Variants in MMP13 observed in about 807,000 individuals in gnomAD.
MMP13 encodes the protein matrix metallopeptidase 13.
MMP13 carries 45 observed loss-of-function variants against 52.1 expected under a neutral mutation model. The ratio of observed to expected loss-of-function variants is 0.86; its 90% CI spans 0.68 to 1.11. The LOEUF is 1.11. Among genes scored for constraint, MMP13 ranks in the 50% least tolerant of loss-of-function variants. The pLI, the probability that MMP13 is intolerant of heterozygous loss-of-function variation, is 0.00. For synonymous variants in MMP13, 200 were observed against 204.4 expected (o/e 0.98, Z 0.18); for missense variants, 576 against 583.8 (o/e 0.99, Z 0.14).
At chr11:102,950,260 A>T in intron 5 of MMP13, 33 bp from the exon 6 acceptor site, 1 of 1,495,258 alleles carries the variant, frequency 6.7e-7, no homozygotes, top group Non-Finnish European at 9.3e-7. Context: ...AGAAGTTATG[A>T]GTGTGACATT....
chr11:102,950,783 A>G (rs1860599186), intron 5 of MMP13, among the ~76,000 whole-genome samples: 2 of 152,210 alleles, frequency 1.3e-5, no homozygotes, highest in South Asian at 2.1e-4. Flanking sequence ...GAGTGCAGAC[A>G]GGATGGGGGT....
intron 9 of MMP13, 46 bp from the exon 10 acceptor site, chr11:102,944,412 A>T: frequency 7.4e-7 from 1 of 1,354,012 alleles, no homozygotes; most frequent in African/African-American, 1.4e-5. Context: ...GAAAATAATA[A>T]GGTTTTAATC....
At position 102,949,246 on chromosome 11, in the gene MMP13, G is replaced by T; in HGVS notation, c.918-88C>A. 1 of 1,514,954 alleles carries T rather than the reference G, an allele frequency of 6.6e-7. No individual in the cohort carries two copies. The highest frequency in any genetic ancestry group is 1.2e-5 in the South Asian group (1 of 85,668). The allele number at this position is 1,514,954 out of a possible 1,614,324, so 93.8% of individuals were successfully genotyped here. ...AGTCACCTCTCTCCACATCAACACA[G>T]ACAAGTTAGATACAACCAATACCTC... On this transcript the variant is annotated intron_variant, in intron 6 of 9. Coordinates refer to ENST00000260302, the MANE Select transcript of MMP13 (RefSeq NM_002427.4). The surrounding 1 kb of genome is among the most constrained non-coding windows in gnomAD (Gnocchi z 4.2).
chr11:102,947,667 T>TTGTGTGTGTGTGTGTGTG (rs71066125), intron 8 of MMP13, among the ~76,000 whole-genome samples: 1 of 144,810 alleles, frequency 6.9e-6, no homozygotes, highest in African/African-American at 2.6e-5. Context: ...TGTTTGAGTA[T>TTGTGTGTGTGTGTGTGTG]TGTGTGTGTG....
chr11:102,949,942 A>T lies in MMP13; in HGVS notation c.917+168T>A, dbSNP rs1205140244. The stretch of plus-strand genomic sequence containing the variant: ...AAGGTTATACGTTGAAAAGTAAAAC[A>T]TTTATCCATCAGTCATTTATTTGAT... On this transcript the variant is annotated intron_variant, in intron 6 of 9. Transcript: ENST00000260302. The surrounding 1 kb of genome is among the most constrained non-coding windows in gnomAD (Gnocchi z 4.2). Among the ~76,000 whole-genome samples the T allele has an allele frequency of 6.6e-6, 1 of 152,210 alleles. No individual in the cohort carries two copies.
chr11:102,948,109 A>G (rs1860545547), intron 7 of MMP13, 59 bp from the exon 8 acceptor site: 1 of 1,456,120 alleles, frequency 6.9e-7, no homozygotes, highest in African/African-American at 1.4e-5. Context: ...ACTTACATAT[A>G]TAGACATGTG....
At chr11:102,948,996 G>A (rs782703007) in intron 7 of MMP13, 29 bp downstream of exon 7, 3 of 1,613,082 alleles carry the variant, frequency 1.9e-6, no homozygotes, top group African/African-American at 1.3e-5. Flanking sequence ...CCCTGGTCTT[G>A]TGTGAGGACT....
intron 9 of MMP13, 80 bp downstream of exon 9, chr11:102,945,566 A>G: frequency 1.1e-6 from 1 of 903,662 alleles, no homozygotes; most frequent in Non-Finnish European, 1.8e-6. Context: ...TAGGTCCTAT[A>G]TAAAAATGCT....
Position 102,952,001 on chromosome 11 carries a change from A to G in MMP13, c.799+11T>C. 1 of 1,612,156 alleles carries G rather than the reference A, an allele frequency of 6.2e-7. No homozygotes were observed. Among genetic ancestry groups the G allele is most frequent in the East Asian group, 2.2e-5 (1 of 44,850 alleles). On this transcript the variant is annotated intron_variant, in intron 5 of 9. Coordinates refer to ENST00000260302, the MANE Select transcript of MMP13 (RefSeq NM_002427.4). The surrounding 1 kb of genome is among the most constrained non-coding windows in gnomAD (Gnocchi z 4.3). ...ATAACTGATCATATTCTATTTCTAT[A>G]ACCGAGTTACCATAGAGAGACTGGA...
Position 102,949,927 on chromosome 11 carries a change from G to A in MMP13, c.917+183C>T, listed in dbSNP as rs17860557. On this transcript the variant is annotated intron_variant, in intron 6 of 9. Coordinates refer to ENST00000260302, the MANE Select transcript of MMP13 (RefSeq NM_002427.4). This position sits in a 1 kb window ranked among gnomAD's most constrained non-coding sequence, Gnocchi z 4.2. ...AAGCTACACAATGTCAAGGTTATAC[G>A]TTGAAAAGTAAAACATTTATCCATC... is the stretch of plus-strand genomic sequence containing the variant. 2.6e-5 allele frequency among the ~76,000 whole-genome samples: 4 copies of A among 152,278 alleles called. No homozygotes were observed. The highest frequency in any genetic ancestry group is 5.9e-5 in the Non-Finnish European group (4 of 68,014).
In MMP13 at chr11:102,955,359, A is replaced by G; in HGVS notation, c.255T>C (p.Asp85=). Residue 85 remains aspartate (D), a synonymous_variant, in exon 2 of 10, where the codon GAT becomes GAC. Transcript: ENST00000260302. This position sits in a 1 kb window ranked among gnomAD's most constrained non-coding sequence, Gnocchi z 4.9. ...GCTTTTTCATGACATCTAAGGTGTT[A>G]TCGTCAAGTTTGCCAGTCACCTCTA... The part of the protein sequence containing the change: ...FGLEVTGKLD[D]NTLDVMKKPR... 6.2e-7 allele frequency: 1 copy of G among 1,614,040 alleles called. No individual in the cohort carries two copies. The highest frequency in any genetic ancestry group is 8.5e-7 in the Non-Finnish European group (1 of 1,179,944).
intron 9 of MMP13, among the ~76,000 whole-genome samples, chr11:102,944,606 G>A (rs1333685188): frequency 4.0e-5 from 6 of 150,706 alleles, no homozygotes; most frequent in Non-Finnish European, 5.9e-5. Context: ...TTGGATTATC[G>A]ATTTTTGTGT....
rs1394865634 is a variant in MMP13, at chr11:102,954,744, TA to T, written c.363-139del. On this transcript the variant is annotated intron_variant, in intron 2 of 9. Coordinates refer to ENST00000260302, the MANE Select transcript of MMP13 (RefSeq NM_002427.4). ...TCTACTAGAGGTTTATTGTTTCAAA[TA>T]ATGTATTAATTATGATGCCATACAA... 4 of 870,824 alleles carry T rather than the reference TA, an allele frequency of 4.6e-6. No homozygotes were observed. The African/African-American group carries it at 6.8e-5, about 15-fold the overall frequency. 53.9% of individuals were successfully genotyped at this position (870,824 alleles called of 1,614,324 possible).
chr11:102,948,882 C>A (rs1860560502), intron 7 of MMP13, 143 bp downstream of exon 7: 2 of 1,119,226 alleles, frequency 1.8e-6, no homozygotes, highest in Non-Finnish European at 2.6e-6. Flanking sequence ...GTTTCAGGTA[C>A]TTTCTGGCTT....
rs1369149741 is a variant in MMP13 at position 102,949,206 on chromosome 11, T to C, written c.918-48A>G. ...TTTTCTGTCACATTTTTAAATGCAA[T>C]ATTTCTATCCTGCTAGTCACCTCTC... On this transcript the variant is annotated intron_variant, in intron 6 of 9. Coordinates refer to ENST00000260302, the MANE Select transcript of MMP13 (RefSeq NM_002427.4). The surrounding 1 kb of genome is among the most constrained non-coding windows in gnomAD (Gnocchi z 4.2). 3 of 1,604,096 alleles carry C rather than the reference T, an allele frequency of 1.9e-6. No individual in the cohort carries two copies. Among genetic ancestry groups the C allele is most frequent in the Admixed American group, 3.4e-5 (2 of 59,660 alleles).
At chr11:102,945,497 T>C in intron 9 of MMP13, 149 bp downstream of exon 9, 1 of 667,264 alleles carries the variant, frequency 1.5e-6, no homozygotes, top group South Asian at 1.9e-5. Context: ...TTGCTGTCTT[T>C]GTAGGTAGTC....
Position 102,944,220 on chromosome 11 carries a change from C to G in MMP13, c.*46G>C. 1 of 1,440,622 alleles carries G rather than the reference C, an allele frequency of 6.9e-7. No individual in the cohort carries two copies. The highest frequency in any genetic ancestry group is 9.8e-7 in the Non-Finnish European group (1 of 1,024,308). The allele number at this position is 1,440,622 out of a possible 1,614,324, so 89.2% of individuals were successfully genotyped here. A position where few individuals can be genotyped will look rare whatever the true frequency, so the allele number is the denominator to read the frequency against. On this transcript the variant is annotated 3_prime_UTR_variant, in exon 10 of 10. Transcript: ENST00000260302. Reference sequence around the variant, plus strand: ...CTACCCCGCACTTCTGGAAGTATTACCCCAAATGCTCTTCAGGATTTAAAT... The same window carrying G: ...CTACCCCGCACTTCTGGAAGTATTAGCCCAAATGCTCTTCAGGATTTAAAT...
rs1417900161 is a variant in MMP13, at chr11:102,945,626, A to G, written c.1315+20T>C. On this transcript the variant is annotated intron_variant, in intron 9 of 9. Transcript: ENST00000260302. ...GCTACAGAAGCTCCTCTTTAAAGTC[A>G]GTGCAATGTAACTACTTACCATTTT... The G allele has an allele frequency of 7.1e-7, 1 of 1,408,226 alleles. No individual in the cohort carries two copies. Among genetic ancestry groups the G allele is most frequent in the Admixed American group, 1.7e-5 (1 of 59,724 alleles). 87.2% of individuals were successfully genotyped at this position (1,408,226 alleles called of 1,614,324 possible).
At chr11:102,947,710 A>G (rs1860535717) in intron 8 of MMP13, among the ~76,000 whole-genome samples, 181 bp downstream of exon 8, 1 of 115,078 alleles carries the variant, frequency 8.7e-6, no homozygotes, top group Non-Finnish European at 1.8e-5. Flanking sequence ...TGTGTGTTCA[A>G]GAGAGCTTGA....
Sources: gnomAD v4.1 joint callset for allele counts (sites outside exome capture counted in the v4.1 genomes callset) on GRCh38, gnomAD v4.1.1 for gene constraint, Gnocchi (gnomAD v3.1) non-coding constraint, MANE v1.5 for transcripts, NCBI Gene and HGNC (gene_info 2026-07-23, HGNC 2026-07-21) for gene names.